The following PRKD1 variants were observed in gnomAD, a reference collection of about 807,000 sequenced individuals.
PRKD1 encodes the protein serine/threonine-protein kinase D1.
Under a neutral mutation model 95.9 loss-of-function variants are expected in PRKD1, and 63 were observed. That is an observed-to-expected ratio of 0.66 (90% CI 0.54 to 0.81). The LOEUF (loss-of-function observed/expected upper bound fraction) is 0.81, where lower values mean the gene tolerates loss of function less well. Among genes scored for constraint, PRKD1 ranks in the 30% least tolerant of loss-of-function variants. The pLI, the probability that PRKD1 is intolerant of heterozygous loss-of-function variation, is 0.00. For missense variants in PRKD1, 1,048 were observed against 1,165.3 expected (o/e 0.90, Z 1.47); for synonymous variants, 425 against 423.1 (o/e 1.00, Z -0.05).
chr14:29,839,558 C>T (rs1291332038), intron 1 of PRKD1, among the ~76,000 whole-genome samples: 1 of 152,138 alleles, frequency 6.6e-6, no homozygotes, highest in Non-Finnish European at 1.5e-5. Context: ...CACAGCTCCA[C>T]CAGGCAGTGC....
At chr14:29,811,729 G>T (rs1370387183) in intron 1 of PRKD1, among the ~76,000 whole-genome samples, 3 of 152,174 alleles carry the variant, frequency 2.0e-5, no homozygotes, top group Non-Finnish European at 4.4e-5. Context: ...AGCACAAGTG[G>T]TCACCTGAAC....
At chr14:29,727,055 C>T (rs1273471911) in intron 1 of PRKD1, among the ~76,000 whole-genome samples, 1 of 152,108 alleles carries the variant, frequency 6.6e-6, no homozygotes, top group African/African-American at 2.4e-5. Flanking sequence ...TCCTCTCCAG[C>T]AGCTGTTGTT....
At chr14:29,857,012 T>C (rs1594581117) in intron 1 of PRKD1, among the ~76,000 whole-genome samples, 1 of 152,186 alleles carries the variant, frequency 6.6e-6, no homozygotes, top group East Asian at 1.9e-4. Context: ...CCAAGTGTGA[T>C]CAAACCCAAC....
In PRKD1 at chr14:29,597,504, T is replaced by C; in HGVS notation, c.2421A>G (p.Glu807=). ...GGAAGATATTACCTTCATGAGATAT[T>C]TCCTTCCAGGGATTTGGTGGATACA... ...AFMYPPNPWK[E]ISHEAIDLIN... is the part of the protein sequence containing the mutation. The change falls in exon 16 of 18, where the codon GAA becomes GAG. Residue 807 remains glutamate, a synonymous_variant. Coordinates refer to ENST00000331968, the MANE Select transcript of PRKD1 (RefSeq NM_002742.3). The C allele has an allele frequency of 6.2e-7, 1 of 1,604,252 alleles. No individual in the cohort carries two copies. Among genetic ancestry groups the C allele is most frequent in the Non-Finnish European group, 8.5e-7 (1 of 1,171,900 alleles).
intron 1 of PRKD1, among the ~76,000 whole-genome samples, chr14:29,846,626 T>A (rs1264526077): frequency 6.6e-6 from 1 of 152,156 alleles, no homozygotes; most frequent in East Asian, 1.9e-4. Flanking sequence ...ATGGAAGCCA[T>A]GCAGAAGGTT....
At chr14:29,668,776 A>G (rs1342437557) in intron 2 of PRKD1, among the ~76,000 whole-genome samples, 1 of 152,194 alleles carries the variant, frequency 6.6e-6, no homozygotes, top group Non-Finnish European at 1.5e-5. Flanking sequence ...AATTTTGGCA[A>G]TGGGAGAAGC....
chr14:29,826,782 C>CACACATATATATACATAT (rs1409428184), intron 1 of PRKD1, among the ~76,000 whole-genome samples: 2 of 25,250 alleles, frequency 7.9e-5, no homozygotes, highest in African/African-American at 3.3e-4. Context: ...CATATATATA[C>CACACATATATATACATAT]ATATATACAC....
intron 1 of PRKD1, among the ~76,000 whole-genome samples, chr14:29,861,881 T>C (rs764202295): frequency 5.8e-4 from 89 of 152,168 alleles, no homozygotes; most frequent in African/African-American, 1.9e-3. Context: ...CTCAAACTCC[T>C]AACCTTGTTA....
At chr14:29,886,830 T>C (rs1389706741) in intron 1 of PRKD1, among the ~76,000 whole-genome samples, 3 of 152,248 alleles carry the variant, frequency 2.0e-5, no homozygotes, top group African/African-American at 4.8e-5. Flanking sequence ...TAATTCTATT[T>C]TGTCATTTAT....
chr14:29,594,294 A>C (rs1001162212), intron 16 of PRKD1: 3 of 327,958 alleles, frequency 9.1e-6, no homozygotes, highest in African/African-American at 6.7e-5. Flanking sequence ...AAAATACATT[A>C]CAACTAGCAA....
In PRKD1 at chr14:29,578,329, T is replaced by C; in HGVS notation, c.2466A>G (p.Val822=). ...CCACACTGTAGCGCTTTCTCATTTT[T>C]ACTTGCAGCAAATTGTTGATAAGAT... ...AIDLINNLLQ[V]KMRKRYSVDK... The change falls in exon 17 of 18, where the codon GTA becomes GTG. Residue 822 remains valine, a synonymous_variant. Coordinates refer to ENST00000331968, the MANE Select transcript of PRKD1 (RefSeq NM_002742.3). The C allele has an allele frequency of 6.2e-7, 1 of 1,611,184 alleles. No homozygotes were observed. Among genetic ancestry groups the C allele is most frequent in the Non-Finnish European group, 8.5e-7 (1 of 1,178,784 alleles).
intron 1 of PRKD1, among the ~76,000 whole-genome samples, chr14:29,868,441 A>G (rs565703292): frequency 6.6e-6 from 1 of 152,306 alleles, no homozygotes; most frequent in Admixed American, 6.5e-5. Context: ...CCCAACCTAT[A>G]CACTGATTTC....
rs138137511 is a variant in PRKD1 at position 29,649,120 on chromosome 14, T to C, written c.697-10216A>G. ...GTCCCAGTGGGGGTCCTTTTGTTCC[T>C]TGAGTTTTGTATGACTCTGGCATGG... On this transcript the variant is annotated intron_variant, in intron 4 of 17. Transcript: ENST00000331968. Among the ~76,000 whole-genome samples, 1,310 of 152,322 alleles carry C rather than the reference T, an allele frequency of 8.6e-3. 22 individuals are homozygous for C. Among genetic ancestry groups the C allele is most frequent in the African/African-American group, 0.03 (1,248 of 41,576 alleles).
At chr14:29,591,455 A>G (rs903744998) in intron 16 of PRKD1, among the ~76,000 whole-genome samples, 1 of 152,160 alleles carries the variant, frequency 6.6e-6, no homozygotes, top group African/African-American at 2.4e-5. Flanking sequence ...TCTGGGCTCC[A>G]GAGCAGCGGT....
intron 1 of PRKD1, among the ~76,000 whole-genome samples, chr14:29,773,760 TAA>T (rs1401137785): frequency 6.6e-6 from 1 of 152,220 alleles, no homozygotes; most frequent in Admixed American, 6.5e-5. Flanking sequence ...ATTAAATTCA[TAA>T]GAGACTGCAA....
chr14:29,613,457 A>G (rs1878624113), intron 13 of PRKD1, among the ~76,000 whole-genome samples: 1 of 152,206 alleles, frequency 6.6e-6, no homozygotes, highest in Admixed American at 6.5e-5. Flanking sequence ...TGATGGTAAG[A>G]AATGCTTTAT....
At chr14:29,669,421 T>C (rs1882713359) in intron 2 of PRKD1, among the ~76,000 whole-genome samples, 1 of 152,186 alleles carries the variant, frequency 6.6e-6, no homozygotes, top group Admixed American at 6.5e-5. Flanking sequence ...ATTTTGAAGT[T>C]TCTGAAAGCT....
chr14:29,835,562 C>CTTTA (rs538154675), intron 1 of PRKD1, among the ~76,000 whole-genome samples: 114 of 152,078 alleles, frequency 7.5e-4, no homozygotes, highest in East Asian at 4.4e-3. Context: ...TTACTCTTTT[C>CTTTA]TTTATTTATT....
At chr14:29,724,047 A>G (rs1435544604) in intron 2 of PRKD1, among the ~76,000 whole-genome samples, 1 of 152,204 alleles carries the variant, frequency 6.6e-6, no homozygotes, top group Non-Finnish European at 1.5e-5. Flanking sequence ...CTAGAGGGCT[A>G]CATCAGGTCA....
Sources: allele counts gnomAD v4.1 joint callset (sites outside exome capture counted in the v4.1 genomes callset), GRCh38; gene constraint gnomAD v4.1.1; transcripts MANE v1.5; gene names NCBI Gene and HGNC (gene_info 2026-07-23, HGNC 2026-07-21).